The following LTBP2 variants were observed in gnomAD, a reference collection of about 807,000 sequenced individuals.
LTBP2 encodes latent transforming growth factor beta binding protein 2.
A neutral mutation model predicts 210.6 loss-of-function variants in LTBP2; 103 were observed. The observed-to-expected ratio is 0.49, with a 90% confidence interval of 0.42 to 0.58. The LOEUF is 0.58. Among genes scored for constraint, LTBP2 ranks in the 20% least tolerant of loss-of-function variants. The pLI, the probability that LTBP2 is intolerant of heterozygous loss-of-function variation, is 0.00. For missense variants in LTBP2, 2,313 were observed against 2,494.5 expected, an observed-to-expected ratio of 0.93 and a Z score of 1.55; for synonymous variants, 1,007 against 1,015.0, an observed-to-expected ratio of 0.99 and a Z score of 0.15.
intron 3 of LTBP2, among the ~76,000 whole-genome samples, chr14:74,570,768 G>C (rs1451367260): frequency 6.6e-6 from 1 of 152,188 alleles, no homozygotes; most frequent in African/African-American, 2.4e-5. Context: ...TGCTGGGCCA[G>C]GGTCTTCAGG....
chr14:74,515,975 G>T (rs2087129289), intron 18 of LTBP2, among the ~76,000 whole-genome samples: 1 of 152,202 alleles, frequency 6.6e-6, no homozygotes, highest in Non-Finnish European at 1.5e-5. Flanking sequence ...GTGGTATTGG[G>T]AAGGGAAGCT....
At chr14:74,523,136 G>C (rs1486606590) in intron 15 of LTBP2, among the ~76,000 whole-genome samples, 1 of 152,164 alleles carries the variant, frequency 6.6e-6, no homozygotes, top group Non-Finnish European at 1.5e-5. Context: ...GGAGGTCATA[G>C]TAGGGCATCC....
chr14:74,563,549 C>T (rs1405851330), intron 3 of LTBP2, among the ~76,000 whole-genome samples: 1 of 152,186 alleles, frequency 6.6e-6, no homozygotes, highest in African/African-American at 2.4e-5. Context: ...GAAAGCACAA[C>T]AGCCCAATCC....
At position 74,553,075 on chromosome 14, in the gene LTBP2, G is replaced by C. The variant is rs777503063; in HGVS notation, c.1022-13C>G. On this transcript the variant is annotated splice_polypyrimidine_tract_variant and intron_variant, in intron 4 of 35. Coordinates refer to ENST00000261978, the MANE Select transcript of LTBP2 (RefSeq NM_000428.3). ...GTGAGGTTCAGCCCTGCAGAGAGAG[G>C]GCTTGGGTCCAGGGGGCAGGGCTGA... 58 of 1,613,826 alleles carry C rather than the reference G, an allele frequency of 3.6e-5. No homozygotes were observed. The Admixed American group carries it at 9.2e-4, about 26-fold the overall frequency.
At chr14:74,530,656 C>G (rs1187484456) in intron 10 of LTBP2, among the ~76,000 whole-genome samples, 8 of 152,220 alleles carry the variant, frequency 5.3e-5, no homozygotes, top group African/African-American at 1.9e-4. Context: ...GCTGGGACTA[C>G]AGGTGTGCAC....
At chr14:74,561,307 G>T (rs914560812) in intron 3 of LTBP2, among the ~76,000 whole-genome samples, 1 of 151,976 alleles carries the variant, frequency 6.6e-6, no homozygotes, top group South Asian at 2.1e-4. Context: ...GACAGAGCAA[G>T]TCTCCCTCTC....
At chr14:74,573,373 TG>T (rs2088011554) in intron 3 of LTBP2, among the ~76,000 whole-genome samples, 1 of 152,254 alleles carries the variant, frequency 6.6e-6, no homozygotes, top group African/African-American at 2.4e-5. Context: ...CATCCCACTC[TG>T]AGTCCTGGGA....
At chr14:74,544,051 C>G (rs2087548569) in intron 8 of LTBP2, among the ~76,000 whole-genome samples, 1 of 152,228 alleles carries the variant, frequency 6.6e-6, no homozygotes, top group African/African-American at 2.4e-5. Flanking sequence ...AGGGTGCTCA[C>G]TTAAGCCTGA....
At chr14:74,577,980 A>G (rs909001052) in intron 3 of LTBP2, among the ~76,000 whole-genome samples, 3 of 151,994 alleles carry the variant, frequency 2.0e-5, no homozygotes, top group Non-Finnish European at 4.4e-5. Flanking sequence ...TTGAATGAGA[A>G]GGAAGAAAGA....
intron 3 of LTBP2, among the ~76,000 whole-genome samples, chr14:74,568,045 G>A (rs1002787355): frequency 6.6e-6 from 1 of 152,140 alleles, no homozygotes. Flanking sequence ...GGGGCAGGGG[G>A]TAGGGAGAGG....
intron 8 of LTBP2, among the ~76,000 whole-genome samples, chr14:74,549,183 G>A (rs974181274): frequency 7.9e-5 from 12 of 152,228 alleles, no homozygotes; most frequent in African/African-American, 2.2e-4. Flanking sequence ...CCACACTCAC[G>A]CACAGGCATC....
At chr14:74,558,462 A>G (rs1250261745) in intron 3 of LTBP2, among the ~76,000 whole-genome samples, 1 of 152,192 alleles carries the variant, frequency 6.6e-6, no homozygotes, top group Admixed American at 6.5e-5. Flanking sequence ...TGGGAGAGAG[A>G]GGTGGCTGAA....
At chr14:74,524,081 G>A (rs981872638) in intron 15 of LTBP2, among the ~76,000 whole-genome samples, 2 of 152,014 alleles carry the variant, frequency 1.3e-5, no homozygotes, top group Non-Finnish European at 2.9e-5. Flanking sequence ...CTGGGGTTGC[G>A]GTGGGGACAC....
In LTBP2 at chr14:74,540,860, T is replaced by C. The variant is rs1182282174; in HGVS notation, c.1790-4860A>G. Among the ~76,000 whole-genome samples, 5 of 95,350 alleles carry C rather than the reference T, an allele frequency of 5.2e-5. 1 individual carries two copies. In the Admixed American group the frequency reaches 7.6e-4, roughly 15 times the overall value. The allele number at this position is 95,350 out of a possible 152,430, so 62.6% of individuals were successfully genotyped here. A position where few individuals can be genotyped will look rare whatever the true frequency, so the allele number is the denominator to read the frequency against. ...ATATTTATATATATTATATATATTA[T>C]ATATATTTATATATATAATATATAT... On this transcript the variant is annotated intron_variant, in intron 8 of 35. Transcript: ENST00000261978.
chr14:74,556,418 T>C (rs2087729412), intron 3 of LTBP2, among the ~76,000 whole-genome samples: 1 of 152,274 alleles, frequency 6.6e-6, no homozygotes, highest in African/African-American at 2.4e-5. Context: ...ATTTGTCATA[T>C]TTGTCATGTT....
At chr14:74,509,094 C>A in intron 22 of LTBP2, 142 bp from the exon 23 acceptor site, 2 of 1,570,068 alleles carry the variant, frequency 1.3e-6, no homozygotes, top group Non-Finnish European at 1.7e-6. Flanking sequence ...GGCAGCACAG[C>A]TGGGACAAGC....
intron 10 of LTBP2, 88 bp from the exon 11 acceptor site, chr14:74,529,210 G>A (rs1474050626): frequency 2.3e-5 from 33 of 1,453,678 alleles, no homozygotes; most frequent in Non-Finnish European, 3.0e-5. Context: ...AGGTGTGGCT[G>A]GCCACATGCA....
intron 14 of LTBP2, 25 bp from the exon 15 acceptor site, chr14:74,525,250 T>C: frequency 7.8e-7 from 1 of 1,274,414 alleles, no homozygotes. Flanking sequence ...GGGGAAGAGG[T>C]GGGGTTGTGG....
chr14:74,591,794 C>T (rs768159456), intron 2 of LTBP2, among the ~76,000 whole-genome samples: 1 of 152,206 alleles, frequency 6.6e-6, no homozygotes, highest in Non-Finnish European at 1.5e-5. Flanking sequence ...AGTTTTTACC[C>T]ATCTGCCATA....
Sources: gnomAD v4.1 joint callset for allele counts (sites outside exome capture counted in the v4.1 genomes callset) on GRCh38, gnomAD v4.1.1 for gene constraint, MANE v1.5 for transcripts, NCBI Gene and HGNC (gene_info 2026-07-23, HGNC 2026-07-21) for gene names.